PCDHGA9: variants seen among roughly 807,000 people sequenced by gnomAD.
PCDHGA9 encodes protocadherin gamma-A9.
A neutral mutation model predicts 62.5 loss-of-function variants in PCDHGA9; 37 were observed. The observed-to-expected ratio is 0.59, with a 90% CI of 0.46 to 0.78. The LOEUF (loss-of-function observed/expected upper bound fraction) is 0.78. Among genes scored for constraint, PCDHGA9 ranks in the 30% least tolerant of loss-of-function variants. PCDHGA9 has a pLI of 0.00. For missense variants in PCDHGA9, 1,138 were observed against 1,166.2 expected (o/e 0.98, Z 0.35); for synonymous variants, 459 against 484.6 (o/e 0.95, Z 0.69).
At chr5:141,448,021 G>A (rs1376525971) in intron 1 of PCDHGA9, among the ~76,000 whole-genome samples, 2 of 152,050 alleles carry the variant, frequency 1.3e-5, no homozygotes, top group African/African-American at 4.8e-5. Context: ...AGGAGGTGGA[G>A]GTTGCAGTGA....
Position 141,491,995 on chromosome 5 carries a change from G to C in PCDHGA9, c.2425-2812G>C, listed in dbSNP as rs76332593. On this transcript the variant is annotated intron_variant, in intron 1 of 3. Transcript: ENST00000573521. The surrounding 1 kb of genome is among the most constrained non-coding windows in gnomAD (Gnocchi z 6.9). ...CTCCTTCGAGCTTCCGGTGAATTTC[G>C]GGCGATTTCCGCGGGTGTCGGGGGT... is the stretch of plus-strand genomic sequence containing the variant. 0.033 allele frequency: 22,941 copies of C among 696,644 alleles called. 426 individuals carry two copies. The highest frequency in any genetic ancestry group is 0.093 in the Middle Eastern group (249 of 2,666). The allele number at this position is 696,644 out of a possible 1,614,324, so 43.2% of individuals were successfully genotyped here. A position where few individuals can be genotyped will look rare whatever the true frequency, so the allele number is the denominator to read the frequency against.
intron 1 of PCDHGA9, chr5:141,478,480 G>T: frequency 2.5e-6 from 4 of 1,613,564 alleles, no homozygotes; most frequent in Non-Finnish European, 3.4e-6. Flanking sequence ...GCCAGAACAC[G>T]CTGCGGAGCT....
chr5:141,422,838 C>G, intron 1 of PCDHGA9: 3 of 1,614,252 alleles, frequency 1.9e-6, no homozygotes, highest in African/African-American at 2.7e-5. Flanking sequence ...TAGCACGTGA[C>G]AGCGGGGACC....
Position 141,502,485 on chromosome 5 carries a change from G to A in PCDHGA9, c.2484-2908G>A, listed in dbSNP as rs187600890. ...AATACTTCCCGCAGCATCACACTGG[G>A]ACTCATCTAACGTCGGCCTGTCCCA... On this transcript the variant is annotated intron_variant, in intron 2 of 3. Coordinates refer to ENST00000573521, the MANE Select transcript of PCDHGA9 (RefSeq NM_018921.3). 8.4e-3 allele frequency among the ~76,000 whole-genome samples: 1,276 copies of A among 152,270 alleles called. 22 individuals carry two copies. Among genetic ancestry groups the A allele is most frequent in the African/African-American group, 0.028 (1,151 of 41,542 alleles).
intron 1 of PCDHGA9, among the ~76,000 whole-genome samples, chr5:141,438,702 C>A (rs1217378337): frequency 5.7e-5 from 8 of 140,876 alleles, no homozygotes; most frequent in Non-Finnish European, 4.6e-5. Flanking sequence ...GCTCTGTCAC[C>A]CAGGCTGGAG....
At position 141,432,900 on chromosome 5, in the gene PCDHGA9, T is replaced by A. The variant is rs139221180; in HGVS notation, c.2424+27524T>A. ...GCCTTCGTCATCTTGCTGCTGGCGCTCAGGCTGCGGCGCTGGCACAAGTCA... is the reference window on the plus strand; with the variant it reads ...GCCTTCGTCATCTTGCTGCTGGCGCACAGGCTGCGGCGCTGGCACAAGTCA... On this transcript the variant is annotated intron_variant, in intron 1 of 3. Transcript: ENST00000573521. The surrounding 1 kb of genome is among the most constrained non-coding windows in gnomAD (Gnocchi z 6.0). The A allele has an allele frequency of 7.9e-5, 128 of 1,614,174 alleles. No homozygotes were observed. The highest frequency in any genetic ancestry group is 7.4e-4 in the East Asian group (33 of 44,868).
At chr5:141,497,818 G>T (rs2099779657) in intron 2 of PCDHGA9, among the ~76,000 whole-genome samples, 1 of 152,194 alleles carries the variant, frequency 6.6e-6, no homozygotes, top group African/African-American at 2.4e-5. Context: ...AGAATTACAG[G>T]TGTGATCGCC....
chr5:141,501,300 C>T (rs867143352), intron 2 of PCDHGA9, among the ~76,000 whole-genome samples: 2,626 of 150,646 alleles, frequency 0.017, 74 homozygotes, highest in African/African-American at 0.06. Context: ...TACACACACA[C>T]ACACACACAC....
intron 1 of PCDHGA9, chr5:141,430,569 G>A (rs1252716330): frequency 4.5e-6 from 2 of 439,930 alleles, no homozygotes; most frequent in African/African-American, 4.1e-5. Flanking sequence ...GGAGAGAAAA[G>A]CGGAGATCCT....
chr5:141,405,838 T>C (rs1561702145), intron 1 of PCDHGA9, among the ~76,000 whole-genome samples: 4 of 152,300 alleles, frequency 2.6e-5, no homozygotes, highest in Admixed American at 2.0e-4. Flanking sequence ...TAGTATAAGT[T>C]GATATCAGTG....
intron 1 of PCDHGA9, among the ~76,000 whole-genome samples, chr5:141,439,431 G>A (rs2154558488): frequency 6.6e-6 from 1 of 152,298 alleles, no homozygotes; most frequent in Non-Finnish European, 1.5e-5. Flanking sequence ...AAATTCCCAG[G>A]AATATTTTAT....
intron 1 of PCDHGA9, among the ~76,000 whole-genome samples, chr5:141,447,123 T>G (rs1004463863): frequency 1.3e-5 from 2 of 152,160 alleles, no homozygotes; most frequent in Non-Finnish European, 2.9e-5. Flanking sequence ...CCATGGATTT[T>G]TTTGTTTGTT....
chr5:141,416,412 A>G (rs1391280535), intron 1 of PCDHGA9: 1 of 152,182 alleles, frequency 6.6e-6, no homozygotes, highest in Non-Finnish European at 1.5e-5. Flanking sequence ...TTTTTGTTAA[A>G]TTTTCTAGTG....
chr5:141,489,283 G>A lies in PCDHGA9; in HGVS notation c.2425-5524G>A. The A allele has an allele frequency of 6.4e-7, 1 of 1,569,594 alleles. No homozygotes were observed. Among genetic ancestry groups the A allele is most frequent in the Admixed American group, 1.8e-5 (1 of 55,646 alleles). ...CCCACAGCTCGCTGGGAAATGGCAA[G>A]TGCTGTGCATGTTGTCCTTGTGCTG... On this transcript the variant is annotated intron_variant, in intron 1 of 3. Coordinates refer to ENST00000573521, the MANE Select transcript of PCDHGA9 (RefSeq NM_018921.3). This position sits in a 1 kb window ranked among gnomAD's most constrained non-coding sequence, Gnocchi z 4.5.
chr5:141,411,366 T>C (rs559840924), intron 1 of PCDHGA9: 1 of 152,208 alleles, frequency 6.6e-6, no homozygotes, highest in South Asian at 2.1e-4. Flanking sequence ...AGCCCAAGAA[T>C]TGAGACCAGC....
At chr5:141,444,125 C>A (rs1459174213) in intron 1 of PCDHGA9, among the ~76,000 whole-genome samples, 2 of 130,784 alleles carry the variant, frequency 1.5e-5, no homozygotes, top group African/African-American at 5.7e-5. Flanking sequence ...AGTATCTCAA[C>A]AGATATGTGT....
rs2094486958 is a variant in PCDHGA9, at chr5:141,404,117, A to C, written c.1165A>C (p.Asn389His). 3 of 1,613,468 alleles carry C rather than the reference A, an allele frequency of 1.9e-6. No homozygotes were observed. Among genetic ancestry groups the C allele is most frequent in the Non-Finnish European group, 1.7e-6 (2 of 1,179,548 alleles). Residue 389 changes from asparagine (N) to histidine (H), a missense_variant, in exon 1 of 4, where the codon AAT (asparagine) becomes CAT (histidine). Coordinates refer to ENST00000573521, the MANE Select transcript of PCDHGA9 (RefSeq NM_018921.3). ...TCAAGTTGTCTGTTCTATCCAGGAG[A>C]ATCTATCTTTTACATTAGAAAATTC... ...NGQVVCSIQE[N>H]LSFTLENSEE...
chr5:141,457,301 CCAAA>C (rs1163780799), intron 1 of PCDHGA9, among the ~76,000 whole-genome samples: 1 of 152,090 alleles, frequency 6.6e-6, no homozygotes, highest in Non-Finnish European at 1.5e-5. Context: ...TTTTATTTTC[CCAAA>C]CAAAGAAACC....
intron 1 of PCDHGA9, among the ~76,000 whole-genome samples, chr5:141,437,668 G>T (rs72790049): frequency 3.1e-4 from 47 of 151,868 alleles, no homozygotes; most frequent in Non-Finnish European, 6.0e-4. Context: ...TCGAAGAGAT[G>T]TTGATCAAAC....
Sources: allele counts gnomAD v4.1 joint callset (sites outside exome capture counted in the v4.1 genomes callset), GRCh38; gene constraint gnomAD v4.1.1; non-coding constraint Gnocchi (gnomAD v3.1); transcripts MANE v1.5; gene names NCBI Gene and HGNC (gene_info 2026-07-23, HGNC 2026-07-21).